The following RIF1 variants were observed in gnomAD, a reference collection of about 807,000 sequenced individuals.
RIF1 encodes the protein telomere-associated protein RIF1.
In RIF1, 45 loss-of-function variants were observed where a neutral mutation model predicts 247.1. The ratio of observed to expected loss-of-function variants is 0.18; its 90% CI spans 0.14 to 0.23. The LOEUF (loss-of-function observed/expected upper bound fraction) is 0.23, where lower values mean the gene tolerates loss of function less well. RIF1 is among the 10% of genes least tolerant of loss of function. The probability of loss-of-function intolerance (pLI) is 1.00; values close to 1 mark genes in which losing one functional copy is unlikely to be tolerated. For missense variants in RIF1, 2,967 were observed against 2,862.5 expected (o/e 1.04, Z -0.83); for synonymous variants, 1,087 against 978.8 (o/e 1.11, Z -2.06).
At chr2:151,499,263 T>TTAAA (rs2062635215) in intron 10 of RIF1, 1 of 1,104,778 alleles carries the variant, frequency 9.1e-7, no homozygotes, top group Non-Finnish European at 1.3e-6. Flanking sequence ...AAACATTTTT[T>TTAAA]TAAATAATTA....
At position 151,463,963 on chromosome 2, in the gene RIF1, A is replaced by G. The variant is rs1574130389; in HGVS notation, c.4443A>G (p.Lys1481=). The part of the protein sequence containing the change: ...EQTLQENLIE[K]GSNLHEKTLG... Reference sequence around the variant, plus strand: ...CTCTACAGGAGAATTTAATTGAGAAAGGAAGTAATTTACATGAGAAGACTC... The same window carrying G: ...CTCTACAGGAGAATTTAATTGAGAAGGGAAGTAATTTACATGAGAAGACTC... Residue 1481 remains lysine, a synonymous_variant, in exon 30 of 36, where the codon AAA becomes AAG. Transcript: ENST00000444746. 1 of 1,609,300 alleles carries G rather than the reference A, an allele frequency of 6.2e-7. No individual in the cohort carries two copies. The highest frequency in any genetic ancestry group is 8.5e-7 in the Non-Finnish European group (1 of 1,178,858).
At chr2:151,446,907 G>A (rs948869560) in intron 20 of RIF1, among the ~76,000 whole-genome samples, 2 of 150,288 alleles carry the variant, frequency 1.3e-5, no homozygotes, top group Admixed American at 1.3e-4. Context: ...CCCTTTGAAA[G>A]TTTGTAGTCT....
intron 30 of RIF1, among the ~76,000 whole-genome samples, chr2:151,466,694 G>A: frequency 6.6e-6 from 1 of 152,170 alleles, no homozygotes; most frequent in East Asian, 1.9e-4. Context: ...CAGGCCTTGT[G>A]CCTTGCACAT....
chr2:151,438,797 C>G (rs772560587), intron 14 of RIF1, 51 bp downstream of exon 14: 1 of 1,138,052 alleles, frequency 8.8e-7, no homozygotes, highest in Non-Finnish European at 1.3e-6. Context: ...AGGTGGTGAT[C>G]AGATGATTTT....
intron 6 of RIF1, among the ~76,000 whole-genome samples, chr2:151,418,637 G>T (rs145518340): frequency 6.6e-6 from 1 of 151,382 alleles, no homozygotes; most frequent in Non-Finnish European, 1.5e-5. Flanking sequence ...AACTTTGGGA[G>T]GCCCAGGTGG....
intron 30 of RIF1, 100 bp downstream of exon 30, chr2:151,466,220 T>C: frequency 1.5e-6 from 1 of 676,598 alleles, no homozygotes; most frequent in Non-Finnish European, 2.6e-6. Context: ...TACAATTATA[T>C]GGCCACTCAT....
Position 151,469,768 on chromosome 2 carries a change from G to A in RIF1, c.6999G>A (p.Leu2333=). 6.2e-7 allele frequency: 1 copy of A among 1,610,260 alleles called. No homozygotes were observed. The highest frequency in any genetic ancestry group is 8.5e-7 in the Non-Finnish European group (1 of 1,177,604). Reference sequence around the variant, plus strand: ...AGAATATAAAAACTATTGGTGATTTGAGTACTCTTACAGCATCTGAAATAA... The same window carrying A: ...AGAATATAAAAACTATTGGTGATTTAAGTACTCTTACAGCATCTGAAATAA... ...RAKNIKTIGD[L]STLTASEIKT... is the part of the protein sequence containing the mutation. Residue 2333 remains leucine (L), a synonymous_variant, in exon 34 of 36, where the codon TTG becomes TTA. Coordinates refer to ENST00000444746, the MANE Select transcript of RIF1 (RefSeq NM_018151.5).
chr2:151,527,599 G>C, the RIF1 span: 1 of 1,589,564 alleles, frequency 6.3e-7, no homozygotes, highest in African/African-American at 1.3e-5. Context: ...TTTTTAACAG[G>C]AGAGAAAGGA....
At chr2:151,467,948 A>AT (rs1412783750) in intron 30 of RIF1, 52 bp from the exon 31 acceptor site, 17 of 1,537,386 alleles carry the variant, frequency 1.1e-5, no homozygotes, top group Non-Finnish European at 1.5e-5. Context: ...TTATGGTGTA[A>AT]TTTTTTAAAA....
intron 4 of RIF1, among the ~76,000 whole-genome samples, chr2:151,415,510 C>T (rs1017010878): frequency 1.2e-4 from 16 of 136,908 alleles, no homozygotes; most frequent in Admixed American, 2.5e-4. Context: ...AGGAGAATGG[C>T]GTGAACCTGG....
chr2:151,416,909 TTTGGATGTTGTGCAAA>T lies in RIF1; in HGVS notation c.503+12_503+27del. On this transcript the variant is annotated intron_variant, in intron 6 of 35. Coordinates refer to ENST00000444746, the MANE Select transcript of RIF1 (RefSeq NM_018151.5). ...ATTAAATGTTATCGTAAGGTATGCA[TTTGGATGTTGTGCAAA>T]TTGAAGAATAGTTTTCATAAATTTA... The T allele has an allele frequency of 6.3e-7, 1 of 1,589,578 alleles. No homozygotes were observed. The highest frequency in any genetic ancestry group is 1.1e-5 in the South Asian group (1 of 88,438).
chr2:151,510,773 G>A (rs978023700), downstream of RIF1, among the ~76,000 whole-genome samples: 4 of 152,152 alleles, frequency 2.6e-5, no homozygotes, highest in African/African-American at 9.7e-5. Flanking sequence ...GTAATTTCAG[G>A]CATCCACTAG....
intron 26 of RIF1, among the ~76,000 whole-genome samples, chr2:151,460,906 GCA>G (rs1442817793): frequency 6.6e-6 from 1 of 152,168 alleles, no homozygotes; most frequent in African/African-American, 2.4e-5. Context: ...TTGTAGTTAA[GCA>G]CAGACTTCCC....
At chr2:151,526,294 G>T in the RIF1 span, 1 of 1,413,428 alleles carries the variant, frequency 7.1e-7, no homozygotes. Context: ...CATTTCTTTA[G>T]CTCTGCTGGA....
chr2:151,454,199 A>G (rs1222263719), intron 21 of RIF1, among the ~76,000 whole-genome samples: 3 of 152,244 alleles, frequency 2.0e-5, no homozygotes, highest in Non-Finnish European at 2.9e-5. Flanking sequence ...TTGAGATCTC[A>G]TTCCTTAAAA....
chr2:151,487,743 T>A (rs1340487480), intron 9 of RIF1, among the ~76,000 whole-genome samples: 1 of 152,110 alleles, frequency 6.6e-6, no homozygotes. Context: ...CATGTGTGTT[T>A]AAACTTATTT....
chr2:151,440,856 G>A (rs1299375838), intron 15 of RIF1, among the ~76,000 whole-genome samples: 1 of 152,176 alleles, frequency 6.6e-6, no homozygotes. Context: ...ATTGATACAT[G>A]GAAAGTACTA....
intron 33 of RIF1, among the ~76,000 whole-genome samples, 158 bp downstream of exon 33, chr2:151,468,914 A>G (rs1697379667): frequency 6.6e-6 from 1 of 152,214 alleles, no homozygotes; most frequent in Non-Finnish European, 1.5e-5. Flanking sequence ...GGTAGGCCAG[A>G]TAAGGCAATA....
intron 6 of RIF1, 142 bp downstream of exon 6, chr2:151,417,043 A>G (rs936748722): frequency 6.3e-6 from 4 of 631,482 alleles, no homozygotes; most frequent in Non-Finnish European, 1.1e-5. Flanking sequence ...ACAAAAAGTA[A>G]TAGAAAAAAG....
Sources: gnomAD v4.1 joint callset for allele counts (sites outside exome capture counted in the v4.1 genomes callset) on GRCh38, gnomAD v4.1.1 for gene constraint, MANE v1.5 for transcripts, NCBI Gene and HGNC (gene_info 2026-07-23, HGNC 2026-07-21) for gene names.